PKP2: variants seen among roughly 807,000 people sequenced by gnomAD.
The protein encoded by PKP2 is plakophilin-2.
PKP2 carries 73 observed loss-of-function variants against 83.4 expected under a neutral mutation model. The ratio of observed to expected loss-of-function variants is 0.88; its 90% CI spans 0.72 to 1.06. PKP2 has a LOEUF of 1.06. Ranked by LOEUF, PKP2 falls within the 50% of genes least tolerant of loss-of-function variation. PKP2 has a pLI of 0.00. For synonymous variants in PKP2, 409 were observed against 430.4 expected (o/e 0.95, Z 0.62); for missense variants, 966 against 1,065.4 (o/e 0.91, Z 1.30).
At chr12:32,875,290 T>C (rs1170096994) in intron 3 of PKP2, among the ~76,000 whole-genome samples, 1 of 152,170 alleles carries the variant, frequency 6.6e-6, no homozygotes, top group Non-Finnish European at 1.5e-5. Context: ...AATCCAGAAT[T>C]ATAAGTAGTC....
At chr12:32,833,071 C>T (rs983882102) in intron 6 of PKP2, among the ~76,000 whole-genome samples, 5 of 152,128 alleles carry the variant, frequency 3.3e-5, no homozygotes, top group African/African-American at 9.6e-5. Flanking sequence ...GGTGAAACCC[C>T]GTCTCTACTA....
At position 32,793,306 on chromosome 12, in the gene PKP2, A is replaced by C. The variant is rs184751182; in HGVS notation, c.2358-575T>G. Reference sequence around the variant, plus strand: ...AGAAAAATCCCTGATATTTATAAGGAATGTATCTTTAGATATGTTATAAAT... The same window carrying C: ...AGAAAAATCCCTGATATTTATAAGGCATGTATCTTTAGATATGTTATAAAT... On this transcript the variant is annotated intron_variant, in intron 11 of 12. Transcript: ENST00000340811. Among the ~76,000 whole-genome samples, 322 of 152,256 alleles carry C rather than the reference A, an allele frequency of 2.1e-3. 3 individuals are homozygous for C. Among genetic ancestry groups the C allele is most frequent in the African/African-American group, 7.3e-3 (305 of 41,538 alleles).
At chr12:32,855,383 T>C (rs1302000366) in intron 4 of PKP2, among the ~76,000 whole-genome samples, 3 of 152,180 alleles carry the variant, frequency 2.0e-5, no homozygotes, top group African/African-American at 7.2e-5. Flanking sequence ...AGGCACACAG[T>C]AGTTACTCAA....
chr12:32,852,023 A>G (rs1367996060), intron 4 of PKP2, among the ~76,000 whole-genome samples: 1 of 152,232 alleles, frequency 6.6e-6, no homozygotes, highest in African/African-American at 2.4e-5. Context: ...TAGTCGGAAA[A>G]TATGATCTAA....
intron 1 of PKP2, chr12:32,894,856 C>G (rs1957107649): frequency 6.6e-6 from 1 of 152,120 alleles, no homozygotes; most frequent in Admixed American, 6.6e-5. Flanking sequence ...AGTCTTTAGT[C>G]AGACCCCTAA....
intron 1 of PKP2, among the ~76,000 whole-genome samples, chr12:32,890,093 A>AG (rs1253063884): frequency 6.6e-6 from 1 of 151,346 alleles, no homozygotes; most frequent in Non-Finnish European, 1.5e-5. Flanking sequence ...AAAAAAAAAA[A>AG]AAAAGAAAAG....
chr12:32,823,968 TA>T, intron 7 of PKP2, 76 bp downstream of exon 7: 1 of 926,992 alleles, frequency 1.1e-6, no homozygotes. Context: ...TGAATAAACC[TA>T]AAACCAAGCG....
At chr12:32,894,413 T>C (rs1442574736) in intron 1 of PKP2, 1 of 152,240 alleles carries the variant, frequency 6.6e-6, no homozygotes, top group African/African-American at 2.4e-5. Context: ...ACTCATTTGA[T>C]GCTTGCTGAA....
rs574053559 is a variant in PKP2 at position 32,846,745 on chromosome 12, C to CAAA, written c.1378+4018_1378+4020dup. Among the ~76,000 whole-genome samples the CAAA allele has an allele frequency of 1.9e-3, 143 of 74,870 alleles. 9 individuals carry two copies. Among genetic ancestry groups the CAAA allele is most frequent in the African/African-American group, 7.5e-3 (133 of 17,724 alleles). The allele number at this position is 74,870 out of a possible 152,430, so 49.1% of individuals were successfully genotyped here. On this transcript the variant is annotated intron_variant, in intron 5 of 12. Coordinates refer to ENST00000340811, the MANE Select transcript of PKP2 (RefSeq NM_001005242.3). Reference sequence around the variant, plus strand: ...GGGTAACAAGAATGAAACTTCTTCTCAAAAAAAAAAAAAAAAAAGAAGAGA... The same window carrying CAAA: ...GGGTAACAAGAATGAAACTTCTTCTCAAAAAAAAAAAAAAAAAAAAAGAAGAGA...
At chr12:32,836,480 G>C (rs1222570007) in intron 6 of PKP2, among the ~76,000 whole-genome samples, 1 of 152,204 alleles carries the variant, frequency 6.6e-6, no homozygotes, top group Non-Finnish European at 1.5e-5. Flanking sequence ...TATATGCAGA[G>C]CAGATTTACT....
Position 32,877,999 on chromosome 12 carries a change from G to A in PKP2, c.881C>T (p.Ser294Phe). ...RASRSSWHQS[S>F]FHSTRTLREA... ...CCTCAGCGTGCGGGTGCTGTGGAAG[G>A]AGCTCTGATGCCAGGAGGACCTGGA... Residue 294 changes from serine (S) to phenylalanine (F), a missense_variant, in exon 3 of 13, where the codon TCC (serine) becomes TTC (phenylalanine). Coordinates refer to ENST00000340811, the MANE Select transcript of PKP2 (RefSeq NM_001005242.3). 1.2e-6 allele frequency: 2 copies of A among 1,614,002 alleles called. No individual in the cohort carries two copies. Among genetic ancestry groups the A allele is most frequent in the Non-Finnish European group, 1.7e-6 (2 of 1,180,034 alleles).
intron 9 of PKP2, chr12:32,820,361 T>C (rs921059372): frequency 2.2e-4 from 34 of 152,206 alleles, no homozygotes; most frequent in Non-Finnish European, 4.4e-5. Flanking sequence ...AATACAAGCT[T>C]AGTTTAAATC....
intron 10 of PKP2, among the ~76,000 whole-genome samples, chr12:32,798,756 A>T (rs1026321797): frequency 6.6e-6 from 1 of 152,242 alleles, no homozygotes; most frequent in Non-Finnish European, 1.5e-5. Flanking sequence ...CACTTTATAC[A>T]AAAATCAACT....
chr12:32,847,467 G>A (rs1018020889), intron 5 of PKP2, among the ~76,000 whole-genome samples: 29 of 152,276 alleles, frequency 1.9e-4, no homozygotes, highest in Middle Eastern at 3.4e-3. Context: ...GTTCTCTGAC[G>A]TTAGTCTCCT....
intron 6 of PKP2, among the ~76,000 whole-genome samples, chr12:32,837,845 C>A (rs903802521): frequency 1.3e-5 from 2 of 152,028 alleles, no homozygotes; most frequent in African/African-American, 2.4e-5. Context: ...TACTATTATT[C>A]TTCTTCTTCC....
chr12:32,875,602 A>G (rs1430335810), intron 3 of PKP2, among the ~76,000 whole-genome samples: 1 of 152,186 alleles, frequency 6.6e-6, no homozygotes, highest in Non-Finnish European at 1.5e-5. Context: ...TGGAAAGATA[A>G]TTCTGACAGT....
chr12:32,875,409 C>G (rs1357020068), intron 3 of PKP2, among the ~76,000 whole-genome samples: 2 of 151,974 alleles, frequency 1.3e-5, no homozygotes, highest in East Asian at 3.9e-4. Flanking sequence ...TAAAGAGGTT[C>G]CAGGTGGTTT....
At chr12:32,872,316 T>C (rs1956901960) in intron 3 of PKP2, among the ~76,000 whole-genome samples, 1 of 152,108 alleles carries the variant, frequency 6.6e-6, no homozygotes, top group South Asian at 2.1e-4. Flanking sequence ...GTGAAGCACC[T>C]GAGGTCAGGA....
intron 1 of PKP2, among the ~76,000 whole-genome samples, chr12:32,895,664 A>C (rs1249408828): frequency 1.3e-5 from 2 of 152,246 alleles, no homozygotes; most frequent in African/African-American, 4.8e-5. Flanking sequence ...AAAAGGATAC[A>C]TCATGATCTC....
Sources: allele counts gnomAD v4.1 joint callset (sites outside exome capture counted in the v4.1 genomes callset), GRCh38; gene constraint gnomAD v4.1.1; transcripts MANE v1.5; gene names NCBI Gene and HGNC (gene_info 2026-07-23, HGNC 2026-07-21).